Variants in PLXNC1 observed in about 807,000 individuals in gnomAD.
PLXNC1 encodes the protein plexin C1, also known as plexin-C1.
PLXNC1 carries 75 observed loss-of-function variants against 178.2 expected under a neutral mutation model. The ratio of observed to expected loss-of-function variants is 0.42; its 90% CI spans 0.35 to 0.51. The LOEUF is 0.51. Ranked by LOEUF, PLXNC1 falls within the 20% of genes least tolerant of loss-of-function variation. The probability of loss-of-function intolerance (pLI) is 0.02; values close to 1 mark genes in which losing one functional copy is unlikely to be tolerated. For missense variants in PLXNC1, 1,503 were observed against 1,984.4 expected (o/e 0.76, Z 4.61); for synonymous variants, 790 against 779.9 (o/e 1.01, Z -0.22).
At chr12:94,252,106 C>T (rs533475636) in intron 15 of PLXNC1, among the ~76,000 whole-genome samples, 96 of 152,282 alleles carry the variant, frequency 6.3e-4, no homozygotes, top group Non-Finnish European at 1.2e-3. Flanking sequence ...CTTTGCTTCT[C>T]CATTCCTTCA....
Position 94,306,237 on chromosome 12 carries a change from A to AGAT in PLXNC1, c.*953_*955dup, listed in dbSNP as rs1419636529. The AGAT allele has an allele frequency of 1.3e-5, 2 of 151,882 alleles. No individual in the cohort carries two copies. The highest frequency in any genetic ancestry group is 2.9e-5 in the Non-Finnish European group (2 of 67,966). 9.4% of individuals were successfully genotyped at this position (151,882 alleles called of 1,614,324 possible). A position where few individuals can be genotyped will look rare whatever the true frequency, so the allele number is the denominator to read the frequency against. The stretch of plus-strand genomic sequence containing the variant: ...ACTTGTGTGTGATTTAAAAAAAAAA[A>AGAT]GATACATTTTACATTTTATCGAATT... On this transcript the variant is annotated 3_prime_UTR_variant, in exon 31 of 31. Transcript: ENST00000258526.
chr12:94,262,648 A>G (rs1965027860), intron 20 of PLXNC1: 1 of 985,434 alleles, frequency 1.0e-6, no homozygotes, highest in Non-Finnish European at 1.2e-6. Flanking sequence ...CCGCTGGTGC[A>G]GGGGTCTGAT....
chr12:94,153,561 C>T (rs1035596616), intron 1 of PLXNC1, among the ~76,000 whole-genome samples: 2 of 152,196 alleles, frequency 1.3e-5, no homozygotes, highest in African/African-American at 2.4e-5. Context: ...TGTTTGTGTT[C>T]GAGTTTGTGG....
At chr12:94,257,131 A>T (rs1964868240) in intron 17 of PLXNC1, among the ~76,000 whole-genome samples, 1 of 152,242 alleles carries the variant, frequency 6.6e-6, no homozygotes. Context: ...AGACAATGCC[A>T]CTTAAATGCA....
intron 4 of PLXNC1, among the ~76,000 whole-genome samples, chr12:94,200,613 G>A (rs887389459): frequency 4.0e-5 from 6 of 151,664 alleles, no homozygotes; most frequent in Admixed American, 1.3e-4. Context: ...GTGGCCCCCA[G>A]TTACACAGGG....
intron 2 of PLXNC1, chr12:94,176,414 CA>C (rs897750702): frequency 1.3e-5 from 2 of 152,118 alleles, no homozygotes; most frequent in African/African-American, 4.8e-5. Flanking sequence ...GATGAGACTC[CA>C]GGGGCCACGG....
At chr12:94,300,826 A>T (rs1968393517) in intron 27 of PLXNC1, 84 bp from the exon 28 acceptor site, 2 of 1,318,826 alleles carry the variant, frequency 1.5e-6, no homozygotes, top group Admixed American at 4.2e-5. Context: ...AAGGACAAAA[A>T]CACCCGTTTA....
In PLXNC1 at chr12:94,298,791, A is replaced by C; in HGVS notation, c.4234A>C (p.Asn1412His). Residue 1412 changes from asparagine to histidine, a missense_variant, in exon 27 of 31, where the codon AAC (asparagine) becomes CAC (histidine). This residue lies in a region of PLXNC1 where 639 missense variants were observed against 979.7 expected (regional missense o/e 0.65). Transcript: ENST00000258526. ...DPDVVHIWKT[N>H]SLPLRFWVNI... Reference sequence around the variant, plus strand: ...TGACGTCGTACATATTTGGAAAACAAACAGGTGGGAATGTAGGTGATTAGT... The same window carrying C: ...TGACGTCGTACATATTTGGAAAACACACAGGTGGGAATGTAGGTGATTAGT... 1.9e-6 allele frequency: 3 copies of C among 1,610,492 alleles called. No individual in the cohort carries two copies. Among genetic ancestry groups the C allele is most frequent in the Non-Finnish European group, 1.7e-6 (2 of 1,179,172 alleles).
chr12:94,190,288 C>T (rs1200784574), intron 4 of PLXNC1, among the ~76,000 whole-genome samples: 1 of 152,196 alleles, frequency 6.6e-6, no homozygotes, highest in Non-Finnish European at 1.5e-5. Flanking sequence ...GTCACCCAGG[C>T]TGGAGTGCAG....
chr12:94,203,292 T>C (rs1483458237), intron 4 of PLXNC1, among the ~76,000 whole-genome samples: 1 of 152,216 alleles, frequency 6.6e-6, no homozygotes, highest in East Asian at 1.9e-4. Context: ...TGGAAGATGG[T>C]ACATCATTCA....
intron 2 of PLXNC1, among the ~76,000 whole-genome samples, chr12:94,172,607 A>G (rs1008908242): frequency 4.6e-5 from 7 of 152,174 alleles, no homozygotes; most frequent in Admixed American, 3.3e-4. Context: ...TGGATTCTCT[A>G]TTTATGTAGT....
intron 10 of PLXNC1, among the ~76,000 whole-genome samples, chr12:94,238,047 T>C (rs1964288071): frequency 6.6e-6 from 1 of 152,210 alleles, no homozygotes; most frequent in South Asian, 2.1e-4. Context: ...TATATAGTCA[T>C]TTCAGGATGT....
Position 94,282,559 on chromosome 12 carries a change from A to G in PLXNC1, c.3879+158A>G, listed in dbSNP as rs11107496. On this transcript the variant is annotated intron_variant, in intron 23 of 30. Transcript: ENST00000258526. Reference sequence around the variant, plus strand: ...GTTTTCTTTCGTTGCTTGTGCAGACAAGCCCATGAAGGGCTCTCACAGTGT... The same window carrying G: ...GTTTTCTTTCGTTGCTTGTGCAGACGAGCCCATGAAGGGCTCTCACAGTGT... Among the ~76,000 whole-genome samples the G allele has an allele frequency of 7.2e-5, 11 of 152,330 alleles. 1 individual carries two copies. In the East Asian group the frequency reaches 2.1e-3, roughly 29 times the overall value.
intron 2 of PLXNC1, among the ~76,000 whole-genome samples, chr12:94,177,877 A>T (rs560318596): frequency 6.6e-5 from 10 of 152,354 alleles, no homozygotes; most frequent in African/African-American, 2.4e-4. Context: ...CCCCACAGAC[A>T]TGATGTCGTT....
At chr12:94,271,953 C>T (rs566190513) in intron 21 of PLXNC1, among the ~76,000 whole-genome samples, 2 of 152,182 alleles carry the variant, frequency 1.3e-5, no homozygotes, top group African/African-American at 2.4e-5. Flanking sequence ...TACATATGAC[C>T]GCTGTGATGG....
chr12:94,221,501 C>T (rs1273240130), intron 6 of PLXNC1, among the ~76,000 whole-genome samples: 1 of 152,088 alleles, frequency 6.6e-6, no homozygotes, highest in Non-Finnish European at 1.5e-5. Flanking sequence ...ATGAGAAAGA[C>T]TAGAAGTAGA....
intron 22 of PLXNC1, 183 bp downstream of exon 22, chr12:94,279,832 C>T: frequency 1.4e-6 from 1 of 704,948 alleles, no homozygotes; most frequent in Non-Finnish European, 2.6e-6. Flanking sequence ...CATGGGCATC[C>T]TGATTCTTCG....
chr12:94,157,191 C>T (rs1451636760), intron 1 of PLXNC1, among the ~76,000 whole-genome samples: 7 of 152,124 alleles, frequency 4.6e-5, no homozygotes, highest in Admixed American at 3.9e-4. Flanking sequence ...GCCCCTGGTC[C>T]GACTAGAAGA....
intron 5 of PLXNC1, among the ~76,000 whole-genome samples, chr12:94,210,995 T>A (rs1963451420): frequency 6.6e-6 from 1 of 152,144 alleles, no homozygotes; most frequent in African/African-American, 2.4e-5. Context: ...TTCTGGAAGA[T>A]TTTTTTTCTT....
Sources: gnomAD v4.1 joint callset for allele counts (sites outside exome capture counted in the v4.1 genomes callset) on GRCh38, gnomAD v4.1.1 for gene constraint, gnomAD v4.1.1 regional missense constraint, MANE v1.5 for transcripts, NCBI Gene and HGNC (gene_info 2026-07-23, HGNC 2026-07-21) for gene names.